GSE1: variants seen among roughly 807,000 people sequenced by gnomAD.
GSE1 encodes genetic suppressor element 1.
A neutral mutation model predicts 112.6 loss-of-function variants in GSE1; 32 were observed. The observed-to-expected ratio is 0.28, with a 90% CI of 0.21 to 0.38. The LOEUF is 0.38. Ranked by LOEUF, GSE1 falls within the 10% of genes least tolerant of loss-of-function variation. The pLI, the probability that GSE1 is intolerant of heterozygous loss-of-function variation, is 1.00. For missense variants in GSE1, 2,348 were observed against 1,699.2 expected (o/e 1.38, Z -6.71); for synonymous variants, 1,115 against 735.6 (o/e 1.52, Z -8.35).
chr16:85,221,403 CACAT>C (rs1238143091), intron 1 of GSE1, among the ~76,000 whole-genome samples: 4 of 152,042 alleles, frequency 2.6e-5, no homozygotes, highest in Non-Finnish European at 4.4e-5. Flanking sequence ...ACACACATAC[CACAT>C]ACATACCCTG....
chr16:85,645,295 C>A (rs768887767), intron 2 of GSE1, among the ~76,000 whole-genome samples: 1 of 152,052 alleles, frequency 6.6e-6, no homozygotes, highest in Non-Finnish European at 1.5e-5. Context: ...AGGTGGGGGC[C>A]TTGCCTTGGG....
intron 2 of GSE1, among the ~76,000 whole-genome samples, chr16:85,422,418 C>T (rs922975074): frequency 2.6e-5 from 4 of 151,970 alleles, no homozygotes; most frequent in African/African-American, 7.3e-5. Context: ...GTCGGTTCCT[C>T]CCCCGGAGGC....
chr16:85,220,653 G>A (rs2075374922), intron 1 of GSE1, among the ~76,000 whole-genome samples: 2 of 152,108 alleles, frequency 1.3e-5, no homozygotes, highest in South Asian at 4.1e-4. Flanking sequence ...GCTTGCCCTG[G>A]CCCGTCTCGC....
chr16:85,202,711 T>A (rs2143570461), intron 1 of GSE1, among the ~76,000 whole-genome samples: 1 of 152,344 alleles, frequency 6.6e-6, no homozygotes, highest in Middle Eastern at 3.4e-3. Flanking sequence ...GGGGGGCCTC[T>A]GGCCGGAGCC....
rs564757605 is a variant in GSE1, at chr16:85,540,153, C to T, written c.2465-93761C>T. 1.4e-3 allele frequency among the ~76,000 whole-genome samples: 215 copies of T among 152,296 alleles called. 1 individual carries two copies. Among genetic ancestry groups the T allele is most frequent in the African/African-American group, 5.1e-3 (210 of 41,560 alleles). ...TTGCCTGGTTATTTTTGATTGTGTA[C>T]AGCTCATTGTATATGAAACATTTTT... On this transcript the variant is annotated intron_variant, in intron 2 of 2. Coordinates refer to the GSE1 transcript ENST00000637419.
At chr16:85,554,894 G>A (rs1351335927), upstream of GSE1, 1 of 985,232 alleles carries the variant, frequency 1.0e-6, no homozygotes. Flanking sequence ...AACGGCCCCC[G>A]CTTCGGAGCG....
chr16:85,339,042 G>C (rs933798410), intron 1 of GSE1, among the ~76,000 whole-genome samples: 1 of 152,128 alleles, frequency 6.6e-6, no homozygotes, highest in African/African-American at 2.4e-5. Flanking sequence ...ACCCCCCACC[G>C]CTGTGACTGT....
At chr16:85,425,923 C>T (rs1454316830) in intron 2 of GSE1, among the ~76,000 whole-genome samples, 2 of 152,186 alleles carry the variant, frequency 1.3e-5, no homozygotes, top group Non-Finnish European at 2.9e-5. Context: ...GTTTCCTGCC[C>T]ACAGTTGTTC....
At chr16:85,543,702 G>T (rs922062123) in intron 2 of GSE1, among the ~76,000 whole-genome samples, 24 of 152,220 alleles carry the variant, frequency 1.6e-4, no homozygotes, top group Admixed American at 4.6e-4. Context: ...AGAGAGGGCA[G>T]CTGTTGGCTC....
At chr16:85,605,939 C>A (rs1389387068) in intron 1 of GSE1, among the ~76,000 whole-genome samples, 1 of 152,108 alleles carries the variant, frequency 6.6e-6, no homozygotes, top group Non-Finnish European at 1.5e-5. Context: ...AAGGAGGAGA[C>A]CCTGCTCCCC....
chr16:85,374,030 G>A (rs990624695), intron 2 of GSE1, among the ~76,000 whole-genome samples: 2 of 152,234 alleles, frequency 1.3e-5, no homozygotes, highest in African/African-American at 4.8e-5. Context: ...ATGAATCTGT[G>A]TACCTGTGTC....
At chr16:85,230,143 T>G (rs142761017) in intron 1 of GSE1, among the ~76,000 whole-genome samples, 5 of 152,342 alleles carry the variant, frequency 3.3e-5, no homozygotes, top group African/African-American at 1.2e-4. Flanking sequence ...GCTGTCTGCA[T>G]TTTACACGTA....
upstream of GSE1, among the ~76,000 whole-genome samples, chr16:85,611,806 TG>T (rs1397469268): frequency 1.5e-5 from 2 of 135,384 alleles, no homozygotes; most frequent in Non-Finnish European, 3.2e-5. Context: ...AACAGATGGA[TG>T]GGGGGTGGCA....
Position 85,523,879 on chromosome 16 carries a change from G to A in GSE1, c.2465-110035G>A, listed in dbSNP as rs563816119. Among the ~76,000 whole-genome samples the A allele has an allele frequency of 1.9e-4, 29 of 152,362 alleles. No homozygotes were observed. In the South Asian group the frequency reaches 5.8e-3, roughly 30 times the overall value. On this transcript the variant is annotated intron_variant, in intron 2 of 2. Coordinates refer to the GSE1 transcript ENST00000637419. ...CTGGAGGGCAGTGCTGCGGGAGGCGGGGTCAACAGGCCCAGGCTGAGCAGA... is the reference window on the plus strand; with the variant it reads ...CTGGAGGGCAGTGCTGCGGGAGGCGAGGTCAACAGGCCCAGGCTGAGCAGA...
intron 2 of GSE1, among the ~76,000 whole-genome samples, chr16:85,473,906 C>T (rs896912264): frequency 1.3e-5 from 2 of 151,758 alleles, no homozygotes; most frequent in Non-Finnish European, 2.9e-5. Flanking sequence ...TGACCAGCTC[C>T]GAAAAAAGAG....
At chr16:85,629,493 C>G (rs544355375) in intron 1 of GSE1, among the ~76,000 whole-genome samples, 3 of 152,244 alleles carry the variant, frequency 2.0e-5, no homozygotes, top group Non-Finnish European at 4.4e-5. Flanking sequence ...CACCGGAGAT[C>G]GGCCCCTCCT....
chr16:85,611,366 G>C (rs549803890), upstream of GSE1: 2 of 485,142 alleles, frequency 4.1e-6, no homozygotes, highest in African/African-American at 4.6e-5. Flanking sequence ...TGAATCCGCC[G>C]GCCAGTGCGG....
At chr16:85,307,281 C>A (rs2045705708) in intron 1 of GSE1, among the ~76,000 whole-genome samples, 1 of 152,202 alleles carries the variant, frequency 6.6e-6, no homozygotes, top group Non-Finnish European at 1.5e-5. Flanking sequence ...CCACCGCTTT[C>A]TCTTGTTTCT....
chr16:85,174,799 C>T (rs142779543), intron 1 of GSE1, among the ~76,000 whole-genome samples: 1,567 of 152,282 alleles, frequency 0.01, 28 homozygotes, highest in African/African-American at 0.035. Context: ...GCTGGGGCTC[C>T]GGGCAGGGGA....
Sources: gnomAD v4.1 joint callset for allele counts (sites outside exome capture counted in the v4.1 genomes callset) on GRCh38, gnomAD v4.1.1 for gene constraint, MANE v1.5 for transcripts, NCBI Gene and HGNC (gene_info 2026-07-23, HGNC 2026-07-21) for gene names.